Variants in PCDHA2 observed in about 807,000 individuals in gnomAD.
The protein encoded by PCDHA2 is protocadherin alpha 2, also known as protocadherin alpha-2.
Under a neutral mutation model 66.0 loss-of-function variants are expected in PCDHA2, and 58 were observed. The observed-to-expected ratio is 0.88, with a 90% CI of 0.71 to 1.09. PCDHA2 has a LOEUF of 1.09. Ranked by LOEUF, PCDHA2 falls within the 50% of genes least tolerant of loss-of-function variation. The pLI is 0.00. For synonymous variants in PCDHA2, 634 were observed against 554.0 expected, an observed-to-expected ratio of 1.14 and a Z score of -2.03; for missense variants, 1,267 against 1,242.3, an observed-to-expected ratio of 1.02 and a Z score of -0.30.
chr5:140,838,264 C>T (rs1278285410), intron 1 of PCDHA2, among the ~76,000 whole-genome samples: 3 of 144,252 alleles, frequency 2.1e-5, no homozygotes, highest in Admixed American at 7.1e-5. Flanking sequence ...AAGACGCCAA[C>T]AACCAAGCCA....
At chr5:140,829,378 C>G in intron 1 of PCDHA2, 1 of 1,614,180 alleles carries the variant, frequency 6.2e-7, no homozygotes, top group Non-Finnish European at 8.5e-7. Context: ...CCGCGCGGGA[C>G]GGGGGCTCGC....
At chr5:140,841,117 A>G (rs2150311332) in intron 1 of PCDHA2, 7 of 622,834 alleles carry the variant, frequency 1.1e-5, no homozygotes, top group South Asian at 9.0e-5. Flanking sequence ...TAATTCATGT[A>G]ATCATTACCT....
At chr5:140,982,675 T>C in intron 3 of PCDHA2, 112 bp downstream of exon 3, 1 of 1,441,782 alleles carries the variant, frequency 6.9e-7, no homozygotes, top group Non-Finnish European at 9.1e-7. Flanking sequence ...ATTTTTGTTA[T>C]TCCCTTTTTT....
chr5:140,950,526 T>C (rs190195358), intron 1 of PCDHA2, among the ~76,000 whole-genome samples: 17 of 152,212 alleles, frequency 1.1e-4, no homozygotes, highest in Admixed American at 9.2e-4. Flanking sequence ...GATATGATTG[T>C]TTTTGTTGCT....
intron 1 of PCDHA2, among the ~76,000 whole-genome samples, chr5:140,819,103 C>T (rs1554127603): frequency 1.3e-5 from 2 of 152,186 alleles, no homozygotes; most frequent in Admixed American, 6.5e-5. Flanking sequence ...ATTATATGCT[C>T]ATGGTATCCT....
intron 1 of PCDHA2, chr5:140,864,231 T>G (rs949424981): frequency 2.0e-5 from 3 of 152,222 alleles, no homozygotes; most frequent in Non-Finnish European, 4.4e-5. Flanking sequence ...AAGCAAGTTC[T>G]TTATTCCTAT....
chr5:140,804,882 C>A, intron 1 of PCDHA2: 4 of 589,346 alleles, frequency 6.8e-6, no homozygotes, highest in South Asian at 3.2e-5. Flanking sequence ...TTCTTGACTC[C>A]TCTCCTTCCC....
At chr5:140,956,622 C>T (rs1438482570) in intron 1 of PCDHA2, among the ~76,000 whole-genome samples, 2 of 152,008 alleles carry the variant, frequency 1.3e-5, no homozygotes, top group African/African-American at 4.8e-5. Context: ...CTTTTTGTTG[C>T]ATCTCTGCCA....
At chr5:140,801,967 A>G in intron 1 of PCDHA2, 1 of 1,614,182 alleles carries the variant, frequency 6.2e-7, no homozygotes, top group East Asian at 2.2e-5. Flanking sequence ...AATGCACCAA[A>G]TGGTACCCTA....
At chr5:140,970,802 AC>A (rs1407360459) in intron 1 of PCDHA2, among the ~76,000 whole-genome samples, 1 of 152,216 alleles carries the variant, frequency 6.6e-6, no homozygotes, top group Non-Finnish European at 1.5e-5. Flanking sequence ...CCATATTGTT[AC>A]ATTTCAAGTT....
chr5:140,897,349 A>G (rs539353387), intron 1 of PCDHA2, among the ~76,000 whole-genome samples: 33 of 107,320 alleles, frequency 3.1e-4, no homozygotes, highest in African/African-American at 1.0e-3. Flanking sequence ...CCACCCCACA[A>G]CTGTCCCCAG....
chr5:140,964,167 C>G (rs370784169), intron 1 of PCDHA2, among the ~76,000 whole-genome samples: 1 of 152,134 alleles, frequency 6.6e-6, no homozygotes, highest in Non-Finnish European at 1.5e-5. Flanking sequence ...GTGTGAGGAA[C>G]GAAATCATTA....
At chr5:140,956,994 A>T (rs2095325479) in intron 1 of PCDHA2, among the ~76,000 whole-genome samples, 1 of 152,168 alleles carries the variant, frequency 6.6e-6, no homozygotes, top group Non-Finnish European at 1.5e-5. Flanking sequence ...AATTCAAGGA[A>T]GTGGTCTGAA....
intron 1 of PCDHA2, among the ~76,000 whole-genome samples, chr5:140,840,971 G>A (rs1237845348): frequency 6.6e-6 from 1 of 152,000 alleles, no homozygotes; most frequent in African/African-American, 2.4e-5. Flanking sequence ...TCCTTATGAA[G>A]AAGAAATCCC....
chr5:140,935,952 G>C (rs1554210758), intron 1 of PCDHA2, among the ~76,000 whole-genome samples: 3 of 148,522 alleles, frequency 2.0e-5, no homozygotes, highest in Non-Finnish European at 4.4e-5. Flanking sequence ...GAGTAAAGTG[G>C]TACAATCTTG....
chr5:140,810,093 A>G (rs1764598574), intron 1 of PCDHA2: 1 of 153,468 alleles, frequency 6.5e-6, no homozygotes, highest in African/African-American at 2.4e-5. Context: ...GACTTGCACA[A>G]CATGTATTGT....
At chr5:141,001,872 CAAG>C (rs1329160545) in intron 3 of PCDHA2, among the ~76,000 whole-genome samples, 1 of 152,126 alleles carries the variant, frequency 6.6e-6, no homozygotes, top group African/African-American at 2.4e-5. Flanking sequence ...TGCCCAAAAC[CAAG>C]AAGGAGCAAA....
intron 1 of PCDHA2, among the ~76,000 whole-genome samples, chr5:140,924,027 G>T (rs1458552046): frequency 1.3e-5 from 2 of 152,194 alleles, no homozygotes; most frequent in Non-Finnish European, 2.9e-5. Context: ...TTGGAGGCAT[G>T]GCTGCAGACC....
Position 140,829,775 on chromosome 5 carries a change from G to A in PCDHA2, c.2388+32423G>A, listed in dbSNP as rs1381710258. ...GTTCGTGCTGGACGAGAACGACAAC[G>A]CGCCGGCGCTGCTGGCGCCTCGGGT... On this transcript the variant is annotated intron_variant, in intron 1 of 3. Transcript: ENST00000526136. 6.2e-7 allele frequency: 1 copy of A among 1,613,800 alleles called. No homozygotes were observed. The highest frequency in any genetic ancestry group is 8.5e-7 in the Non-Finnish European group (1 of 1,179,866).
Sources: allele counts gnomAD v4.1 joint callset (sites outside exome capture counted in the v4.1 genomes callset), GRCh38; gene constraint gnomAD v4.1.1; transcripts MANE v1.5; gene names NCBI Gene and HGNC (gene_info 2026-07-23, HGNC 2026-07-21).